The following ZHX2 variants were observed in gnomAD, a reference collection of about 807,000 sequenced individuals.
ZHX2 encodes the protein zinc fingers and homeoboxes 2.
A neutral mutation model predicts 21.9 loss-of-function variants in ZHX2; 6 were observed. The observed-to-expected ratio is 0.27, with a 90% CI of 0.15 to 0.54. The LOEUF is 0.54. Ranked by LOEUF, ZHX2 falls within the 20% of genes least tolerant of loss-of-function variation. The pLI is 0.95. For missense variants in ZHX2, 908 were observed against 1,090.7 expected (o/e 0.83, Z 2.36); for synonymous variants, 434 against 437.1 (o/e 0.99, Z 0.09).
At chr8:122,843,053 C>T (rs893497204) in intron 1 of ZHX2, among the ~76,000 whole-genome samples, 3 of 152,222 alleles carry the variant, frequency 2.0e-5, no homozygotes, top group African/African-American at 4.8e-5. Flanking sequence ...AACTAGCAAA[C>T]CATCAAAGGA....
chr8:122,947,835 G>A (rs947858687), intron 2 of ZHX2, among the ~76,000 whole-genome samples: 10 of 151,970 alleles, frequency 6.6e-5, no homozygotes, highest in African/African-American at 1.7e-4. Flanking sequence ...AGCCGGGGCC[G>A]GAGCCTGCCA....
intron 1 of ZHX2, among the ~76,000 whole-genome samples, chr8:122,810,138 G>A (rs1488241689): frequency 6.6e-6 from 1 of 152,126 alleles, no homozygotes; most frequent in African/African-American, 2.4e-5. Context: ...TTAATAAATG[G>A]CATAAATGAA....
At chr8:122,833,987 A>G (rs1818443392) in intron 1 of ZHX2, among the ~76,000 whole-genome samples, 1 of 129,248 alleles carries the variant, frequency 7.7e-6, no homozygotes, top group Non-Finnish European at 1.7e-5. Flanking sequence ...ACAGAGCAAG[A>G]CTCCGTCTCA....
intron 1 of ZHX2, among the ~76,000 whole-genome samples, chr8:122,841,566 G>A (rs557928313): frequency 6.6e-6 from 1 of 152,310 alleles, no homozygotes; most frequent in Admixed American, 6.5e-5. Context: ...AATCCAGGCA[G>A]AGGGGCAGCC....
chr8:122,822,863 G>A (rs1754987695), intron 1 of ZHX2, among the ~76,000 whole-genome samples: 1 of 152,244 alleles, frequency 6.6e-6, no homozygotes, highest in Admixed American at 6.5e-5. Flanking sequence ...GTTTCTGCTG[G>A]AGCTGGGCAG....
chr8:122,920,955 C>T (rs775574850), intron 2 of ZHX2, among the ~76,000 whole-genome samples: 11 of 152,194 alleles, frequency 7.2e-5, no homozygotes, highest in Non-Finnish European at 7.4e-5. Context: ...ATCCCTTGCT[C>T]GTATGTGGCA....
intron 1 of ZHX2, among the ~76,000 whole-genome samples, chr8:122,796,435 T>C (rs893569176): frequency 6.6e-6 from 1 of 152,206 alleles, no homozygotes; most frequent in African/African-American, 2.4e-5. Flanking sequence ...ACTTACTTAG[T>C]ACTTACTAAG....
intron 1 of ZHX2, among the ~76,000 whole-genome samples, chr8:122,830,269 C>A (rs1818346695): frequency 6.6e-6 from 1 of 152,154 alleles, no homozygotes; most frequent in Non-Finnish European, 1.5e-5. Flanking sequence ...ACCCAGATGG[C>A]CTGTTTCTTG....
At chr8:122,863,275 T>C (rs557120916) in intron 1 of ZHX2, 1 of 150,994 alleles carries the variant, frequency 6.6e-6, no homozygotes, top group East Asian at 2.0e-4. Context: ...TTTTTTTTTT[T>C]TTCTTTTTTT....
At chr8:122,950,403 T>A (rs528192124) in intron 2 of ZHX2, among the ~76,000 whole-genome samples, 29 of 152,028 alleles carry the variant, frequency 1.9e-4, no homozygotes, top group African/African-American at 7.0e-4. Context: ...GAGGGGAACG[T>A]CACACACCGG....
At chr8:122,879,972 C>CAT (rs1819667123) in intron 2 of ZHX2, among the ~76,000 whole-genome samples, 1 of 126,404 alleles carries the variant, frequency 7.9e-6, no homozygotes, top group Non-Finnish European at 1.6e-5. Context: ...CTATTGTTAC[C>CAT]TTTTTTTTTT....
intron 2 of ZHX2, among the ~76,000 whole-genome samples, chr8:122,898,279 G>A (rs895737676): frequency 2.0e-5 from 3 of 152,154 alleles, no homozygotes; most frequent in African/African-American, 7.2e-5. Context: ...AGAAATTGGG[G>A]ATGAGGAAAG....
At chr8:122,908,535 C>T (rs566737108) in intron 2 of ZHX2, among the ~76,000 whole-genome samples, 41 of 152,018 alleles carry the variant, frequency 2.7e-4, no homozygotes, top group Admixed American at 7.2e-4. Flanking sequence ...ACATGGACCA[C>T]GGTGGTGGTT....
intron 1 of ZHX2, among the ~76,000 whole-genome samples, chr8:122,857,738 T>C (rs1819061269): frequency 6.6e-6 from 1 of 152,222 alleles, no homozygotes. Flanking sequence ...TGTTGAACTT[T>C]CTACTCTTAT....
intron 2 of ZHX2, among the ~76,000 whole-genome samples, chr8:122,898,170 T>G (rs1212057988): frequency 6.6e-6 from 1 of 152,198 alleles, no homozygotes; most frequent in Admixed American, 6.5e-5. Flanking sequence ...CTTAACCTCA[T>G]AGAGGTGAAG....
At chr8:122,846,210 A>G (rs1259326019) in intron 1 of ZHX2, among the ~76,000 whole-genome samples, 2 of 152,140 alleles carry the variant, frequency 1.3e-5, no homozygotes, top group African/African-American at 2.4e-5. Context: ...TTCAGGAGGA[A>G]CCTGTTGGAG....
chr8:122,859,424 A>G (rs1255455803), intron 1 of ZHX2, among the ~76,000 whole-genome samples: 1 of 152,206 alleles, frequency 6.6e-6, no homozygotes. Context: ...TCTTCTAAGC[A>G]CTTTATATGT....
At chr8:122,907,165 C>T (rs1184142698) in intron 2 of ZHX2, among the ~76,000 whole-genome samples, 1 of 152,106 alleles carries the variant, frequency 6.6e-6, no homozygotes, top group Non-Finnish European at 1.5e-5. Context: ...TTAATTTTGC[C>T]AAGGTTGAGG....
At chr8:122,815,226 G>C (rs1044246086) in intron 1 of ZHX2, among the ~76,000 whole-genome samples, 1 of 152,216 alleles carries the variant, frequency 6.6e-6, no homozygotes, top group African/African-American at 2.4e-5. Context: ...GGCAGGGTCG[G>C]CTTCTCCGTT....
Sources: gnomAD v4.1 joint callset for allele counts (sites outside exome capture counted in the v4.1 genomes callset) on GRCh38, gnomAD v4.1.1 for gene constraint, MANE v1.5 for transcripts, NCBI Gene and HGNC (gene_info 2026-07-23, HGNC 2026-07-21) for gene names.